The following MAP4 variants were observed in gnomAD, a reference collection of about 807,000 sequenced individuals.
MAP4 encodes the protein microtubule associated protein 4.
Under a neutral mutation model 170.2 loss-of-function variants are expected in MAP4, and 76 were observed. The observed-to-expected ratio is 0.45, with a 90% CI of 0.37 to 0.54. The LOEUF (loss-of-function observed/expected upper bound fraction) is 0.54, where lower values mean the gene tolerates loss of function less well. Ranked by LOEUF, MAP4 falls within the 20% of genes least tolerant of loss-of-function variation. The pLI, the probability that MAP4 is intolerant of heterozygous loss-of-function variation, is 0.00. For synonymous variants in MAP4, 909 were observed against 994.5 expected (o/e 0.91, Z 1.62); for missense variants, 2,506 against 2,748.0 (o/e 0.91, Z 1.97).
chr3:48,043,273 G>A (rs773419575), intron 1 of MAP4, among the ~76,000 whole-genome samples: 7 of 152,128 alleles, frequency 4.6e-5, no homozygotes, highest in Non-Finnish European at 7.4e-5. Context: ...GCTAATTTTT[G>A]TATGTTTAGT....
In MAP4 at chr3:47,916,434, C is replaced by A. The variant is rs2100039171; in HGVS notation, c.1393G>T (p.Ala465Ser). 6.2e-7 allele frequency: 1 copy of A among 1,614,086 alleles called. No individual in the cohort carries two copies. Among genetic ancestry groups the A allele is most frequent in the Non-Finnish European group, 8.5e-7 (1 of 1,180,006 alleles). Residue 465 changes from alanine (A) to serine (S), a missense_variant, in exon 7 of 21, where the codon GCA becomes TCA. By Grantham distance (99) the Ala-to-Ser change is moderately conservative. Around this residue, in one of 3 missense-constraint regions of MAP4, gnomAD observed 2,008 missense variants for 2,206.0 expected, o/e 0.91. Coordinates refer to ENST00000683076, the MANE Select transcript of MAP4 (RefSeq NM_001385682.1). ...GCCACCTCTGCTTCTAAAGGTAGTG[C>A]TTTATCCTTGGTCAAGATCACGTTG... ...ETNVILTKDK[A>S]LPLEAEVAPV...
chr3:47,954,929 A>G (rs1275673319), intron 3 of MAP4, among the ~76,000 whole-genome samples: 2 of 152,192 alleles, frequency 1.3e-5, no homozygotes. Flanking sequence ...GAGTCATTTT[A>G]ATAGTAAGGG....
intron 1 of MAP4, among the ~76,000 whole-genome samples, chr3:48,057,134 C>T (rs1406178934): frequency 1.3e-5 from 2 of 151,742 alleles, no homozygotes; most frequent in Non-Finnish European, 2.9e-5. Flanking sequence ...TGAGAACGGG[C>T]CAGGATGACA....
At chr3:48,049,484 A>G (rs1462581697) in intron 1 of MAP4, among the ~76,000 whole-genome samples, 1 of 151,668 alleles carries the variant, frequency 6.6e-6, no homozygotes, top group Non-Finnish European at 1.5e-5. Flanking sequence ...GCCGGGCATG[A>G]TAGTGCATAC....
At chr3:47,992,258 T>C (rs973600893) in intron 2 of MAP4, among the ~76,000 whole-genome samples, 2 of 152,138 alleles carry the variant, frequency 1.3e-5, no homozygotes, top group African/African-American at 2.4e-5. Flanking sequence ...AACTCACTAA[T>C]TGCACCAGAT....
At chr3:47,942,367 A>T (rs1319097174) in intron 3 of MAP4, among the ~76,000 whole-genome samples, 4 of 152,136 alleles carry the variant, frequency 2.6e-5, no homozygotes, top group Non-Finnish European at 4.4e-5. Context: ...AGTTTTTTTT[A>T]AATTAAAAAC....
intron 1 of MAP4, among the ~76,000 whole-genome samples, chr3:48,073,621 AAAG>A (rs1281056914): frequency 3.3e-5 from 5 of 152,072 alleles, no homozygotes; most frequent in African/African-American, 7.2e-5. Context: ...CAAAAAAAAA[AAAG>A]AAGAAAAAAA....
intron 10 of MAP4, among the ~76,000 whole-genome samples, chr3:47,900,729 G>C (rs914452545): frequency 6.6e-5 from 10 of 152,072 alleles, no homozygotes; most frequent in Non-Finnish European, 1.5e-4. Flanking sequence ...GAGGGAGACT[G>C]TCTCAAAACA....
At chr3:47,890,630 G>C (rs2098389082) in intron 10 of MAP4, among the ~76,000 whole-genome samples, 1 of 152,196 alleles carries the variant, frequency 6.6e-6, no homozygotes, top group African/African-American at 2.4e-5. Context: ...TGGGATTGAA[G>C]GATTTAGAGC....
chr3:48,019,016 T>A (rs974524023), upstream of MAP4, among the ~76,000 whole-genome samples: 1 of 152,066 alleles, frequency 6.6e-6, no homozygotes, highest in East Asian at 1.9e-4. Flanking sequence ...CATGATGCAA[T>A]GTGGCAAAAA....
intron 10 of MAP4, among the ~76,000 whole-genome samples, chr3:47,885,400 AT>A (rs199590737): frequency 5.3e-5 from 8 of 149,668 alleles, no homozygotes; most frequent in East Asian, 4.6e-4. Context: ...CAATCAATCA[AT>A]TCATCAGTCC....
chr3:47,946,506 T>C (rs2154064076), intron 3 of MAP4, among the ~76,000 whole-genome samples: 1 of 149,388 alleles, frequency 6.7e-6, no homozygotes, highest in South Asian at 2.1e-4. Context: ...ATACAAAAAT[T>C]AGCCGGGTGT....
chr3:47,946,322 A>G (rs1051095953), intron 3 of MAP4, among the ~76,000 whole-genome samples: 2 of 151,752 alleles, frequency 1.3e-5, no homozygotes, highest in African/African-American at 4.8e-5. Context: ...CTAAGAAATA[A>G]ATTTGCCTGG....
intron 2 of MAP4, among the ~76,000 whole-genome samples, chr3:47,983,395 TATTTA>T (rs2100086552): frequency 6.6e-6 from 1 of 151,738 alleles, no homozygotes; most frequent in Admixed American, 6.6e-5. Flanking sequence ...TTTATTTATT[TATTTA>T]ATTTGAGACT....
chr3:47,978,655 A>T lies in MAP4; in HGVS notation c.224-722T>A, dbSNP rs1213615920. Among the ~76,000 whole-genome samples the T allele has an allele frequency of 5.9e-5, 9 of 152,152 alleles. No individual in the cohort carries two copies. The East Asian group carries it at 9.7e-4, about 16-fold the overall frequency. Reference sequence around the variant, plus strand: ...ATTACTTATTAATTCCCACACAGGAAATCCAGGGTACCATCATTGCTTCTG... The same window carrying T: ...ATTACTTATTAATTCCCACACAGGATATCCAGGGTACCATCATTGCTTCTG... On this transcript the variant is annotated intron_variant, in intron 2 of 20. Transcript: ENST00000683076.
chr3:47,910,331 T>C lies in MAP4; in HGVS notation c.4090A>G (p.Asn1364Asp), dbSNP rs1577434501. Residue 1364 changes from asparagine to aspartate, a missense_variant, in exon 9 of 21, where the codon AAT (asparagine) becomes GAT (aspartate). Physicochemically the swap from Asn to Asp is conservative, Grantham distance 23. Coordinates refer to ENST00000683076, the MANE Select transcript of MAP4 (RefSeq NM_001385682.1). The stretch of plus-strand genomic sequence containing the variant: ...TTAACCTTTTTACTTTTTCCATCAT[T>C]ACTCCTTTTACTTGGTTTGTCAGCC... ...AVADKPSKRS[N>D]DGKSKKVKNS... 1.9e-6 allele frequency: 3 copies of C among 1,546,780 alleles called. No individual in the cohort carries two copies. The highest frequency in any genetic ancestry group is 1.7e-6 in the Non-Finnish European group (2 of 1,150,992).
Position 47,850,801 on chromosome 3 carries a change from A to G in MAP4, c.*2133T>C, listed in dbSNP as rs1457439552. On this transcript the variant is annotated 3_prime_UTR_variant, in exon 21 of 21. Transcript: ENST00000683076. Reference sequence around the variant, plus strand: ...GCCATAAGCAAATCGAGAAGTACAGAAATGTCCCACCCCAAACAGCTGCGG... The same window carrying G: ...GCCATAAGCAAATCGAGAAGTACAGGAATGTCCCACCCCAAACAGCTGCGG... The G allele has an allele frequency of 6.6e-6, 1 of 152,562 alleles. No individual in the cohort carries two copies. Among genetic ancestry groups the G allele is most frequent in the Non-Finnish European group, 1.5e-5 (1 of 68,330 alleles). 9.5% of individuals were successfully genotyped at this position (152,562 alleles called of 1,614,324 possible). A position where few individuals can be genotyped will look rare whatever the true frequency, so the allele number is the denominator to read the frequency against.
At chr3:47,883,347 C>G (rs2097092653) in intron 10 of MAP4, among the ~76,000 whole-genome samples, 1 of 152,058 alleles carries the variant, frequency 6.6e-6, no homozygotes, top group African/African-American at 2.4e-5. Flanking sequence ...CCTCAGCCTT[C>G]CTGAGTAGCT....
rs1005822880 is a variant in MAP4 at position 47,912,566 on chromosome 3, T to C, written c.2000-145A>G. The C allele has an allele frequency of 1.8e-5, 11 of 604,914 alleles. No individual in the cohort carries two copies. In the African/African-American group the frequency reaches 2.0e-4, roughly 11 times the overall value. 37.5% of individuals were successfully genotyped at this position (604,914 alleles called of 1,614,324 possible). Reference sequence around the variant, plus strand: ...ACATATAGTACTTACTGTAATTTGCTCAGGAAAACAGTCTTTTCTAAAACA... The same window carrying C: ...ACATATAGTACTTACTGTAATTTGCCCAGGAAAACAGTCTTTTCTAAAACA... On this transcript the variant is annotated intron_variant, in intron 8 of 20. Coordinates refer to ENST00000683076, the MANE Select transcript of MAP4 (RefSeq NM_001385682.1).
Sources: allele counts gnomAD v4.1 joint callset (sites outside exome capture counted in the v4.1 genomes callset), GRCh38; gene constraint gnomAD v4.1.1; regional missense constraint gnomAD v4.1.1; transcripts MANE v1.5; gene names NCBI Gene and HGNC (gene_info 2026-07-23, HGNC 2026-07-21).